The following GRID2 variants were observed in gnomAD, a reference collection of about 807,000 sequenced individuals.
GRID2 encodes the protein glutamate receptor ionotropic, delta-2.
A neutral mutation model predicts 114.8 loss-of-function variants in GRID2; 33 were observed. The ratio of observed to expected loss-of-function variants is 0.29; its 90% CI spans 0.22 to 0.38. The LOEUF (loss-of-function observed/expected upper bound fraction) is 0.38, where lower values mean the gene tolerates loss of function less well. GRID2 is among the 10% of genes least tolerant of loss of function. The pLI, the probability that GRID2 is intolerant of heterozygous loss-of-function variation, is 1.00. For synonymous variants in GRID2, 505 were observed against 449.9 expected, an observed-to-expected ratio of 1.12 and a Z score of -1.55; for missense variants, 1,184 against 1,257.7, an observed-to-expected ratio of 0.94 and a Z score of 0.89.
intron 8 of GRID2, among the ~76,000 whole-genome samples, chr4:93,242,313 A>AG (rs1220661729): frequency 1.1e-5 from 1 of 87,560 alleles, no homozygotes; most frequent in Non-Finnish European, 2.4e-5. Context: ...AAGAAATGCC[A>AG]GGGAGGGCTA....
chr4:93,201,678 G>A (rs1041087259), intron 4 of GRID2, among the ~76,000 whole-genome samples: 13 of 152,142 alleles, frequency 8.5e-5, no homozygotes, highest in Admixed American at 2.0e-4. Flanking sequence ...CAATTAAATC[G>A]TCCCCTGCAC....
chr4:93,696,251 C>T lies in GRID2; in HGVS notation c.2360+69816C>T, dbSNP rs543148474. On this transcript the variant is annotated intron_variant, in intron 14 of 15. Transcript: ENST00000282020. ...ACACTTGACCTTCTTGATTTCTTCC[C>T]TTTACTTAGCTGGCTTCTCTCTCAA... is the stretch of plus-strand genomic sequence containing the variant. Among the ~76,000 whole-genome samples the T allele has an allele frequency of 1.1e-4, 16 of 150,824 alleles. No homozygotes were observed. The East Asian group carries it at 3.0e-3, about 28-fold the overall frequency.
At chr4:92,498,270 A>C (rs1723493615) in intron 1 of GRID2, among the ~76,000 whole-genome samples, 1 of 151,920 alleles carries the variant, frequency 6.6e-6, no homozygotes, top group African/African-American at 2.4e-5. Context: ...ATTGGTCCCA[A>C]GTCAGTTCAC....
intron 1 of GRID2, among the ~76,000 whole-genome samples, chr4:92,519,520 A>G (rs140257210): frequency 1.3e-5 from 2 of 151,654 alleles, no homozygotes; most frequent in Non-Finnish European, 2.9e-5. Flanking sequence ...ACCATGAATT[A>G]GAGCTCTTGT....
At chr4:92,802,068 T>C (rs1244045865) in intron 2 of GRID2, among the ~76,000 whole-genome samples, 4 of 152,090 alleles carry the variant, frequency 2.6e-5, no homozygotes, top group African/African-American at 7.2e-5. Context: ...ATTATGCCAA[T>C]GTTTTCATTA....
At chr4:92,433,563 C>T (rs1039756879) in intron 1 of GRID2, among the ~76,000 whole-genome samples, 3 of 152,172 alleles carry the variant, frequency 2.0e-5, no homozygotes, top group Non-Finnish European at 4.4e-5. Context: ...ACAATCATTG[C>T]AAGCACACAG....
intron 14 of GRID2, among the ~76,000 whole-genome samples, chr4:93,672,224 C>A (rs1724485153): frequency 6.6e-6 from 1 of 152,270 alleles, no homozygotes; most frequent in South Asian, 2.1e-4. Context: ...CTCCCCTGAC[C>A]CCATTTTCTG....
chr4:92,549,290 A>T (rs1726454606), intron 1 of GRID2, among the ~76,000 whole-genome samples: 1 of 152,148 alleles, frequency 6.6e-6, no homozygotes, highest in Non-Finnish European at 1.5e-5. Context: ...AGGCTCAGTA[A>T]AATTGAACAT....
rs775708984 is a variant in GRID2 at position 93,224,603 on chromosome 4, T to C, written c.964-11T>C. The C allele has an allele frequency of 3.2e-6, 5 of 1,578,022 alleles. No homozygotes were observed. Among genetic ancestry groups the C allele is most frequent in the Non-Finnish European group, 2.6e-6 (3 of 1,148,692 alleles). On this transcript the variant is annotated splice_polypyrimidine_tract_variant and intron_variant, in intron 6 of 15. Coordinates refer to ENST00000282020, the MANE Select transcript of GRID2 (RefSeq NM_001510.4). ...AATGATTCTAATGATCACTTTCTAA[T>C]GTCTTTTCAGATTTCCAACCTTTAC... is the stretch of plus-strand genomic sequence containing the variant.
intron 1 of GRID2, among the ~76,000 whole-genome samples, chr4:92,411,678 TGAA>T (rs1731332216): frequency 7.3e-6 from 1 of 136,294 alleles, no homozygotes; most frequent in African/African-American, 2.8e-5. Flanking sequence ...TATATATATA[TGAA>T]ATATACCCAC....
intron 10 of GRID2, among the ~76,000 whole-genome samples, chr4:93,434,170 G>T (rs1474356468): frequency 1.3e-5 from 2 of 152,182 alleles, no homozygotes; most frequent in Non-Finnish European, 2.9e-5. Context: ...TGTTGTATTT[G>T]TTGACTCGGA....
At chr4:92,521,402 G>C (rs1190002898) in intron 1 of GRID2, among the ~76,000 whole-genome samples, 1 of 151,870 alleles carries the variant, frequency 6.6e-6, no homozygotes, top group Non-Finnish European at 1.5e-5. Flanking sequence ...CATTTTAATA[G>C]TATCGACAAT....
chr4:93,644,031 G>A (rs1318707172), intron 14 of GRID2, among the ~76,000 whole-genome samples: 1 of 82,996 alleles, frequency 1.2e-5, no homozygotes, highest in Non-Finnish European at 2.3e-5. Flanking sequence ...CGTTTCTTAA[G>A]CCGGTCTGAA....
At chr4:92,780,325 T>C (rs1739010805) in intron 2 of GRID2, among the ~76,000 whole-genome samples, 1 of 152,140 alleles carries the variant, frequency 6.6e-6, no homozygotes. Context: ...TGTATTTTAG[T>C]AATTAATTCA....
chr4:92,343,204 T>C (rs952102899), intron 1 of GRID2, among the ~76,000 whole-genome samples: 1 of 152,052 alleles, frequency 6.6e-6, no homozygotes, highest in African/African-American at 2.4e-5. Flanking sequence ...TTCTTCTCTG[T>C]GTGTTTTTTT....
At chr4:92,676,158 C>A (rs1459048638) in intron 2 of GRID2, among the ~76,000 whole-genome samples, 6 of 21,944 alleles carry the variant, frequency 2.7e-4, no homozygotes, top group African/African-American at 9.2e-4. Context: ...CGTGTCAAGC[C>A]CCCCCCCCCC....
At chr4:93,389,858 G>A (rs1047903717) in intron 8 of GRID2, among the ~76,000 whole-genome samples, 10 of 150,452 alleles carry the variant, frequency 6.6e-5, no homozygotes, top group African/African-American at 2.2e-4. Flanking sequence ...TGGCACCCTC[G>A]GCTCACGGCA....
chr4:92,749,479 T>A (rs902788388), intron 2 of GRID2, among the ~76,000 whole-genome samples: 1 of 151,688 alleles, frequency 6.6e-6, no homozygotes, highest in African/African-American at 2.4e-5. Context: ...CACACCTGGC[T>A]AATTTTTATA....
chr4:93,633,231 T>C (rs1315399710), intron 14 of GRID2, among the ~76,000 whole-genome samples: 2 of 151,910 alleles, frequency 1.3e-5, no homozygotes, highest in Non-Finnish European at 2.9e-5. Flanking sequence ...ACTATTAGAA[T>C]ATTTAATTTA....
Sources: gnomAD v4.1 joint callset for allele counts (sites outside exome capture counted in the v4.1 genomes callset) on GRCh38, gnomAD v4.1.1 for gene constraint, MANE v1.5 for transcripts, NCBI Gene and HGNC (gene_info 2026-07-23, HGNC 2026-07-21) for gene names.